Variants in DST observed in about 807,000 individuals in gnomAD.
DST encodes the protein bullous pemphigoid antigen.
Under a neutral mutation model 875.2 loss-of-function variants are expected in DST, and 253 were observed. That is an observed-to-expected ratio of 0.29 (90% confidence interval 0.26 to 0.32). The LOEUF is 0.32. Ranked by LOEUF, DST falls within the 10% of genes least tolerant of loss-of-function variation. The pLI is 1.00. For missense variants in DST, 8,287 were observed against 9,111.6 expected, an observed-to-expected ratio of 0.91 and a Z score of 3.68; for synonymous variants, 3,124 against 3,197.1, an observed-to-expected ratio of 0.98 and a Z score of 0.77.
intron 4 of DST, among the ~76,000 whole-genome samples, chr6:56,802,192 T>C (rs2099747929): frequency 1.3e-5 from 2 of 152,206 alleles, no homozygotes; most frequent in African/African-American, 4.8e-5. Flanking sequence ...AGCAGAATGA[T>C]GACATGGAAT....
chr6:56,641,494 A>G lies in DST; in HGVS notation c.2027+453T>C, dbSNP rs376053281. On this transcript the variant is annotated intron_variant, in intron 17 of 103. Coordinates refer to ENST00000680361, the MANE Select transcript of DST (RefSeq NM_001374736.1). ...TCCCAGCTACTAGGGAGGCTGAGAC[A>G]TGAGAATCGCCTGAACCCAGGAGGC... Among the ~76,000 whole-genome samples, 4 of 152,242 alleles carry G rather than the reference A, an allele frequency of 2.6e-5. No individual in the cohort carries two copies. In the South Asian group the frequency reaches 6.2e-4, roughly 24 times the overall value.
At position 56,557,324 on chromosome 6, in the gene DST, C is replaced by T. The variant is rs904320461; in HGVS notation, c.14635G>A (p.Val4879Met). The part of the protein sequence containing the change: ...PNMLNTQRQQ[V>M]QILLQEFATR... ...GGTTATTAGGTAATACTCACCTGCA[C>T]CTGCTGCCTTTGTGTGTTTAGCATA... is the stretch of plus-strand genomic sequence containing the variant. The change falls in exon 59 of 104, where the codon GTG becomes ATG. Residue 4879 changes from valine to methionine, a missense_variant. Transcript: ENST00000680361. The T allele has an allele frequency of 3.1e-6, 5 of 1,612,664 alleles. No individual in the cohort carries two copies. The highest frequency in any genetic ancestry group is 1.3e-5 in the African/African-American group (1 of 74,988).
At chr6:56,795,459 C>T (rs1156836906) in intron 4 of DST, among the ~76,000 whole-genome samples, 1 of 152,068 alleles carries the variant, frequency 6.6e-6, no homozygotes, top group Non-Finnish European at 1.5e-5. Flanking sequence ...ATTAATGGAA[C>T]AATCAAGTAC....
chr6:56,603,848 A>C lies in DST; in HGVS notation c.10780T>G (p.Ser3594Ala), dbSNP rs1359082856. 3 of 1,608,636 alleles carry C rather than the reference A, an allele frequency of 1.9e-6. No individual in the cohort carries two copies. The highest frequency in any genetic ancestry group is 2.2e-5 in the South Asian group (2 of 90,332). Reference protein sequence around the residue: ...GSKEMASGDSSTEQFSSELQQ... With the variant: ...GSKEMASGDSATEQFSSELQQ... ...ATAGGTCAACTTACTTGTTCGGTTGAGCTATCTCCAGAAGCCATCTCTTTA... is the reference window on the plus strand; with the variant it reads ...ATAGGTCAACTTACTTGTTCGGTTGCGCTATCTCCAGAAGCCATCTCTTTA... The change falls in exon 40 of 104, where the codon TCA becomes GCA. Residue 3594 changes from serine (S) to alanine (A), a missense_variant. Physicochemically the swap from Ser to Ala is moderately conservative, Grantham distance 99. Transcript: ENST00000680361.
rs1473792245 is a variant in DST at position 56,506,844 on chromosome 6, TAA to T, written c.19240-57_19240-56del. The T allele has an allele frequency of 6.5e-6, 10 of 1,549,638 alleles. No homozygotes were observed. The Admixed American group carries it at 1.9e-4, about 30-fold the overall frequency. On this transcript the variant is annotated intron_variant, in intron 75 of 103. Transcript: ENST00000680361. ...TTTAAGCAAAACCACATCAAAACTT[TAA>T]AAAGTACACAACAATATCAATGGTA...
At chr6:56,489,650 C>A (rs746552217) in intron 85 of DST, 41 bp from the exon 86 acceptor site, 2 of 1,580,384 alleles carry the variant, frequency 1.3e-6, no homozygotes, top group Middle Eastern at 1.7e-4. Flanking sequence ...ATTTTTCAAG[C>A]ATATTATACT....
intron 72 of DST, among the ~76,000 whole-genome samples, chr6:56,512,047 T>C (rs2096488166): frequency 6.6e-6 from 1 of 152,068 alleles, no homozygotes. Context: ...TATGTATGAA[T>C]CTATTCTATA....
Position 56,628,103 on chromosome 6 carries a change from G to T in DST, c.4534C>A (p.Pro1512Thr). Residue 1512 changes from proline (P) to threonine (T), a missense_variant, in exon 33 of 104, where the codon CCT becomes ACT. Coordinates refer to ENST00000680361, the MANE Select transcript of DST (RefSeq NM_001374736.1). Reference sequence around the variant, plus strand: ...ACCTGCTGGATCCAATCATCTAAAGGATGGTAAGTGTCTCTGTAGTACTTC... The same window carrying T: ...ACCTGCTGGATCCAATCATCTAAAGTATGGTAAGTGTCTCTGTAGTACTTC... ...SLKYYRDTYH[P>T]LDDWIQQVET... is the part of the protein sequence containing the mutation. 6.2e-7 allele frequency: 1 copy of T among 1,613,684 alleles called. No homozygotes were observed. Among genetic ancestry groups the T allele is most frequent in the Non-Finnish European group, 8.5e-7 (1 of 1,179,600 alleles).
chr6:56,953,298 C>T (rs923312318), intron 2 of DST, among the ~76,000 whole-genome samples: 2 of 152,150 alleles, frequency 1.3e-5, no homozygotes, highest in Admixed American at 6.5e-5. Context: ...CTACCATCAT[C>T]GCTTTGCAAA....
At chr6:56,580,899 AT>A (rs1313171731) in intron 49 of DST, among the ~76,000 whole-genome samples, 1 of 150,530 alleles carries the variant, frequency 6.6e-6, no homozygotes, top group African/African-American at 2.4e-5. Flanking sequence ...TGCCCAGCTA[AT>A]TTTTTTGTAT....
At chr6:56,751,682 A>G (rs1010855398) in intron 4 of DST, among the ~76,000 whole-genome samples, 1 of 152,210 alleles carries the variant, frequency 6.6e-6, no homozygotes, top group Non-Finnish European at 1.5e-5. Flanking sequence ...CATGTGGCCC[A>G]TTACCTACAG....
intron 4 of DST, among the ~76,000 whole-genome samples, chr6:56,825,694 G>A (rs1463065877): frequency 2.0e-5 from 3 of 151,888 alleles, no homozygotes; most frequent in Non-Finnish European, 4.4e-5. Flanking sequence ...ATTACAATTC[G>A]CAGAAAAAGA....
intron 5 of DST, among the ~76,000 whole-genome samples, chr6:56,716,700 G>T (rs567517090): frequency 1.3e-5 from 2 of 152,146 alleles, no homozygotes; most frequent in East Asian, 3.9e-4. Context: ...GGGCAGTCCA[G>T]CCTTCAAACT....
intron 9 of DST, chr6:56,692,992 G>C: frequency 7.8e-7 from 1 of 1,289,668 alleles, no homozygotes; most frequent in Non-Finnish European, 1.0e-6. Flanking sequence ...TTCATTGTTT[G>C]CCCCAACTGA....
rs756089987 is a variant in DST at position 56,603,394 on chromosome 6, A to C, written c.10968T>G (p.Ile3656Met). The C allele has an allele frequency of 2.5e-6, 4 of 1,610,576 alleles. No homozygotes were observed. The East Asian group carries it at 8.9e-5, about 36-fold the overall frequency. The change falls in exon 42 of 104, where the codon ATT (isoleucine) becomes ATG (methionine). Residue 3656 changes from isoleucine to methionine, a missense_variant. Ile to Met is a conservative substitution (Grantham distance 10). Coordinates refer to ENST00000680361, the MANE Select transcript of DST (RefSeq NM_001374736.1). ...TCATATCTTTTCTTAAAATAACAGC[A>C]ATTGGAGCTAATCCCAATTCAAATG... The part of the protein sequence containing the change: ...LETFELGLAP[I>M]AVILRKDMKL...
chr6:56,874,362 CTT>C (rs1271437365), intron 3 of DST, among the ~76,000 whole-genome samples: 3 of 152,128 alleles, frequency 2.0e-5, no homozygotes, highest in Admixed American at 1.3e-4. Flanking sequence ...ATAGATAAAA[CTT>C]AAATTTATAT....
At chr6:56,720,788 T>C (rs1041223248) in intron 5 of DST, among the ~76,000 whole-genome samples, 3 of 152,096 alleles carry the variant, frequency 2.0e-5, no homozygotes, top group African/African-American at 7.3e-5. Context: ...TGATCTCTCT[T>C]TCTTTTCCCC....
chr6:56,618,332 C>T, intron 36 of DST: 1 of 1,614,118 alleles, frequency 6.2e-7, no homozygotes, highest in Non-Finnish European at 8.5e-7. Flanking sequence ...GTGAAGGTGT[C>T]CAGTGTTTCT....
chr6:56,597,475 A>T (rs2098402814), intron 47 of DST, among the ~76,000 whole-genome samples: 1 of 152,182 alleles, frequency 6.6e-6, no homozygotes, highest in South Asian at 2.1e-4. Context: ...GCCCACTTTA[A>T]CTGTCCTATA....
Sources: allele counts gnomAD v4.1 joint callset (sites outside exome capture counted in the v4.1 genomes callset), GRCh38; gene constraint gnomAD v4.1.1; transcripts MANE v1.5; gene names NCBI Gene and HGNC (gene_info 2026-07-23, HGNC 2026-07-21).